CYP2C19: variants seen among roughly 807,000 people sequenced by gnomAD.
The protein encoded by CYP2C19 is cytochrome P450 2C19.
A neutral mutation model predicts 40.9 loss-of-function variants in CYP2C19; 59 were observed. The observed-to-expected ratio is 1.44, with a 90% CI of 1.17 to 1.79. The LOEUF (loss-of-function observed/expected upper bound fraction) is 1.79, where lower values mean the gene tolerates loss of function less well. Ranked by LOEUF, CYP2C19 falls within the 40% of genes most tolerant of loss-of-function variation. CYP2C19 has a pLI of 0.00. For missense variants in CYP2C19, 754 were observed against 596.9 expected (o/e 1.26, Z -2.74); for synonymous variants, 253 against 208.7 (o/e 1.21, Z -1.83).
intron 5 of CYP2C19, among the ~76,000 whole-genome samples, chr10:94,820,134 A>T (rs1261042769): frequency 6.6e-6 from 1 of 151,962 alleles, no homozygotes; most frequent in Non-Finnish European, 1.5e-5. Context: ...AGCCAAAGAC[A>T]AAAACCACAT....
chr10:94,822,980 G>C (rs1045961033), intron 6 of CYP2C19, among the ~76,000 whole-genome samples: 5 of 151,594 alleles, frequency 3.3e-5, no homozygotes, highest in African/African-American at 9.7e-5. Flanking sequence ...GATATTAGCT[G>C]TTTGAGCCCT....
At chr10:94,808,341 A>G (rs1188125616) in intron 5 of CYP2C19, among the ~76,000 whole-genome samples, 1 of 152,112 alleles carries the variant, frequency 6.6e-6, no homozygotes, top group East Asian at 1.9e-4. Context: ...TGGGTACATG[A>G]GATCTTTTGA....
intron 6 of CYP2C19, among the ~76,000 whole-genome samples, chr10:94,834,751 T>C (rs1401728501): frequency 6.6e-6 from 1 of 152,174 alleles, no homozygotes; most frequent in Non-Finnish European, 1.5e-5. Flanking sequence ...TAATTAGCAT[T>C]TTAGTGAGCT....
intron 5 of CYP2C19, among the ~76,000 whole-genome samples, chr10:94,812,832 G>T (rs1471658643): frequency 6.6e-6 from 1 of 151,896 alleles, no homozygotes; most frequent in Non-Finnish European, 1.5e-5. Context: ...AGTGGAGTTT[G>T]TTATTACACA....
At chr10:94,808,094 A>T (rs1460561941) in intron 5 of CYP2C19, among the ~76,000 whole-genome samples, 1 of 152,088 alleles carries the variant, frequency 6.6e-6, no homozygotes, top group Non-Finnish European at 1.5e-5. Context: ...ATAAACATCC[A>T]GTTTTCCTGT....
chr10:94,822,574 G>T (rs1048029172), intron 6 of CYP2C19, among the ~76,000 whole-genome samples: 20 of 152,004 alleles, frequency 1.3e-4, no homozygotes, highest in Non-Finnish European at 2.6e-4. Context: ...AATTTTTTTG[G>T]GGGGGCATAT....
chr10:94,804,326 C>G (rs1269225183), intron 5 of CYP2C19, among the ~76,000 whole-genome samples: 2 of 152,210 alleles, frequency 1.3e-5, no homozygotes, highest in Non-Finnish European at 2.9e-5. Flanking sequence ...GTACCCACTG[C>G]TAAGGTGCTT....
At chr10:94,786,508 C>T (rs1848542447) in intron 5 of CYP2C19, among the ~76,000 whole-genome samples, 1 of 151,946 alleles carries the variant, frequency 6.6e-6, no homozygotes. Flanking sequence ...TAAAATGATA[C>T]CATATGAAAT....
At chr10:94,808,623 T>A (rs1189530533) in intron 5 of CYP2C19, among the ~76,000 whole-genome samples, 1 of 152,174 alleles carries the variant, frequency 6.6e-6, no homozygotes, top group Non-Finnish European at 1.5e-5. Flanking sequence ...CTTTCTACCC[T>A]GTATCTCCAT....
intron 6 of CYP2C19, among the ~76,000 whole-genome samples, chr10:94,835,777 A>G (rs1849393577): frequency 6.6e-6 from 1 of 152,112 alleles, no homozygotes; most frequent in African/African-American, 2.4e-5. Context: ...CTGTATATAT[A>G]TATTTACCCT....
chr10:94,770,081 T>A (rs1361899669), intron 1 of CYP2C19, among the ~76,000 whole-genome samples: 1 of 152,104 alleles, frequency 6.6e-6, no homozygotes, highest in African/African-American at 2.4e-5. Flanking sequence ...GACAGGAGAT[T>A]AACACTGAGA....
chr10:94,849,995 C>A lies in CYP2C19; in HGVS notation c.1228C>A (p.Arg410Ser). Residue 410 changes from arginine to serine, a missense_variant, in exon 8 of 9, where the codon CGT (arginine) becomes AGT (serine). Transcript: ENST00000371321. ...EFPNPEMFDPRHFLDEGGNFK... is the reference protein window; with the variant it reads ...EFPNPEMFDPSHFLDEGGNFK... ...TCCCAACCCAGAGATGTTTGACCCTCGTCACTTTCTGGATGAAGGTGGAAA... is the reference window on the plus strand; with the variant it reads ...TCCCAACCCAGAGATGTTTGACCCTAGTCACTTTCTGGATGAAGGTGGAAA... 2 of 1,613,698 alleles carry A rather than the reference C, an allele frequency of 1.2e-6. No individual in the cohort carries two copies. The highest frequency in any genetic ancestry group is 1.7e-6 in the Non-Finnish European group (2 of 1,179,748).
At position 94,781,846 on chromosome 10, in the gene CYP2C19, T is replaced by C. The variant is rs963088247; in HGVS notation, c.668T>C (p.Ile223Thr). ...IQICNNFPTIIDYFPGTHNKL... is the reference protein window; with the variant it reads ...IQICNNFPTITDYFPGTHNKL... ...ATATGCAATAATTTTCCCACTATCA[T>C]TGATTATTTCCCGGGAACCCATAAC... is the stretch of plus-strand genomic sequence containing the variant. Residue 223 changes from isoleucine to threonine, a missense_variant, in exon 5 of 9, where the codon ATT becomes ACT. Transcript: ENST00000371321. The C allele has an allele frequency of 8.2e-6, 12 of 1,467,960 alleles. No individual in the cohort carries two copies. The highest frequency in any genetic ancestry group is 1.1e-5 in the Non-Finnish European group (12 of 1,113,858). 90.9% of individuals were successfully genotyped at this position (1,467,960 alleles called of 1,614,324 possible).
At position 94,842,851 on chromosome 10, in the gene CYP2C19, G is replaced by A; in HGVS notation, c.976G>A (p.Glu326Lys). ...TGTCTTGTCAGCTAAAGTCCAGGAAGAGATTGAACGTGTCATTGGCAGAAA... is the reference window on the plus strand; with the variant it reads ...TGTCTTGTCAGCTAAAGTCCAGGAAAAGATTGAACGTGTCATTGGCAGAAA... ...HPEVTAKVQE[E>K]IERVIGRNRS... Residue 326 changes from glutamate to lysine, a missense_variant, in exon 7 of 9, where the codon GAG (glutamate) becomes AAG (lysine). Glu to Lys is a moderately conservative substitution (Grantham distance 56). Transcript: ENST00000371321. 6.2e-7 allele frequency: 1 copy of A among 1,614,128 alleles called. No homozygotes were observed. The highest frequency in any genetic ancestry group is 1.3e-5 in the African/African-American group (1 of 75,010).
intron 5 of CYP2C19, among the ~76,000 whole-genome samples, chr10:94,816,007 G>C (rs1214407917): frequency 6.6e-6 from 1 of 152,084 alleles, no homozygotes; most frequent in Non-Finnish European, 1.5e-5. Context: ...AACTTTAACA[G>C]AAAATGTCTT....
chr10:94,780,817 C>A (rs1848470071), intron 4 of CYP2C19, among the ~76,000 whole-genome samples, 158 bp downstream of exon 4: 1 of 152,032 alleles, frequency 6.6e-6, no homozygotes, highest in Non-Finnish European at 1.5e-5. Context: ...TGGCAAAGTT[C>A]TTTATTTTAT....
At chr10:94,839,829 C>T (rs923549777) in intron 6 of CYP2C19, among the ~76,000 whole-genome samples, 1 of 152,158 alleles carries the variant, frequency 6.6e-6, no homozygotes, top group African/African-American at 2.4e-5. Flanking sequence ...CCTCCTATGT[C>T]TGGTCGGACT....
intron 6 of CYP2C19, among the ~76,000 whole-genome samples, chr10:94,833,936 A>C (rs956950399): frequency 6.6e-6 from 1 of 152,176 alleles, no homozygotes. Context: ...ATCAGTATTC[A>C]TCAGGTGTAT....
chr10:94,794,885 A>G (rs569758029), intron 5 of CYP2C19, among the ~76,000 whole-genome samples: 4 of 152,054 alleles, frequency 2.6e-5, no homozygotes, highest in Admixed American at 1.3e-4. Context: ...CTAATTGAAT[A>G]CCCTTTATTT....
Sources: allele counts gnomAD v4.1 joint callset (sites outside exome capture counted in the v4.1 genomes callset), GRCh38; gene constraint gnomAD v4.1.1; transcripts MANE v1.5; gene names NCBI Gene and HGNC (gene_info 2026-07-23, HGNC 2026-07-21).